AUNIP: variants seen among roughly 807,000 people sequenced by gnomAD.
AUNIP encodes the protein aurora kinase A- and ninein-interacting protein.
Under a neutral mutation model 12.2 loss-of-function variants are expected in AUNIP, and 16 were observed. The observed-to-expected ratio is 1.31, with a 90% CI of 0.88 to 1.99. AUNIP has a LOEUF of 1.99. Among genes scored for constraint, AUNIP ranks in the 30% most tolerant of loss-of-function variants. The pLI is 0.00. For synonymous variants in AUNIP, 142 were observed against 154.8 expected (o/e 0.92, Z 0.61); for missense variants, 411 against 419.1 (o/e 0.98, Z 0.17).
intron 1 of AUNIP, 50 bp downstream of exon 1, chr1:25,859,230 C>T (rs1221702951): frequency 1.3e-6 from 2 of 1,544,700 alleles, no homozygotes; most frequent in East Asian, 2.5e-5. Flanking sequence ...CGTCTTACGC[C>T]TCCAGGCCCT....
chr1:25,848,718 C>T (rs1293179062), intron 1 of AUNIP, among the ~76,000 whole-genome samples: 2 of 152,158 alleles, frequency 1.3e-5, no homozygotes, highest in African/African-American at 2.4e-5. Context: ...CTAAAGTCAG[C>T]AGGAAGGTGA....
At chr1:25,854,982 G>T (rs1238609036) in intron 1 of AUNIP, among the ~76,000 whole-genome samples, 1 of 145,076 alleles carries the variant, frequency 6.9e-6, no homozygotes, top group African/African-American at 2.6e-5. Context: ...TTTGAGATGG[G>T]GTCTCACTCT....
At chr1:25,853,319 C>T (rs1019409464) in intron 1 of AUNIP, among the ~76,000 whole-genome samples, 1 of 152,088 alleles carries the variant, frequency 6.6e-6, no homozygotes. Context: ...AACATTCGGC[C>T]GGCGTGGTGG....
downstream of AUNIP, chr1:25,832,147 C>T: frequency 6.3e-7 from 1 of 1,575,996 alleles, no homozygotes; most frequent in Non-Finnish European, 8.6e-7. Flanking sequence ...TGCTGACAAG[C>T]TAGAGCTTGG....
At chr1:25,851,884 A>T (rs1289122095) in intron 1 of AUNIP, among the ~76,000 whole-genome samples, 1 of 151,918 alleles carries the variant, frequency 6.6e-6, no homozygotes, top group African/African-American at 2.4e-5. Context: ...ACAGGCACAC[A>T]CCAACATAAC....
chr1:25,835,509 G>T lies in AUNIP; in HGVS notation c.558C>A (p.Asp186Glu), dbSNP rs775734343. The change falls in exon 3 of 3, where the codon GAC becomes GAA. Residue 186 changes from aspartate (D) to glutamate (E), a missense_variant. Physicochemically the swap from Asp to Glu is conservative, Grantham distance 45. Coordinates refer to ENST00000374298, the MANE Select transcript of AUNIP (RefSeq NM_024037.3). ...CAGAATCCCCTTTTTCTTCCTTTCG[G>T]TCTAGCAAACAAGAACTTTCCAAGT... The part of the protein sequence containing the change: ...TEDLESSCLL[D>E]RKEEKGDSAR... 3.5e-5 allele frequency: 56 copies of T among 1,614,012 alleles called. No individual in the cohort carries two copies. Among genetic ancestry groups the T allele is most frequent in the Non-Finnish European group, 4.7e-5 (56 of 1,180,050 alleles).
rs115847072 is a variant in AUNIP at position 25,836,453 on chromosome 1, T to G, written c.221-607A>C. 5.6e-3 allele frequency among the ~76,000 whole-genome samples: 848 copies of G among 152,304 alleles called. 8 individuals carry two copies. Among genetic ancestry groups the G allele is most frequent in the African/African-American group, 0.019 (777 of 41,566 alleles). ...TCAGTAGGTAGAATAGTGAAACAAC[T>G]ACTAGTGTCCAGCCTGTTAATTTTA... On this transcript the variant is annotated intron_variant, in intron 2 of 2. Transcript: ENST00000374298.
intron 2 of AUNIP, 55 bp from the exon 3 acceptor site, chr1:25,835,901 G>A: frequency 6.4e-7 from 1 of 1,573,890 alleles, no homozygotes; most frequent in Non-Finnish European, 8.6e-7. Context: ...CCCTAAGCAG[G>A]ATTCAGTTGG....
In AUNIP at chr1:25,848,456, C is replaced by G. The variant is rs1450938993; in HGVS notation, c.78+10824G>C. 3.7e-5 allele frequency among the ~76,000 whole-genome samples: 4 copies of G among 107,606 alleles called. No homozygotes were observed. In the East Asian group the frequency reaches 8.7e-4, roughly 23 times the overall value. The allele number at this position is 107,606 out of a possible 152,430, so 70.6% of individuals were successfully genotyped here. A position where few individuals can be genotyped will look rare whatever the true frequency, so the allele number is the denominator to read the frequency against. ...GAGATCGTGCCATTGCACTCCAGCC[C>G]GGGCAAAAATTTTTGAAACTCCGTC... On this transcript the variant is annotated intron_variant, in intron 1 of 2. Transcript: ENST00000374298.
downstream of AUNIP, chr1:25,831,967 G>C: frequency 6.2e-7 from 1 of 1,614,222 alleles, no homozygotes; most frequent in Non-Finnish European, 8.5e-7. Context: ...GCTTATCTCT[G>C]AGGTCCTAAG....
chr1:25,845,208 C>A (rs2048373254), intron 1 of AUNIP, among the ~76,000 whole-genome samples: 1 of 152,190 alleles, frequency 6.6e-6, no homozygotes, highest in African/African-American at 2.4e-5. Flanking sequence ...CCTCCATTCA[C>A]CACCTATTTC....
downstream of AUNIP, among the ~76,000 whole-genome samples, chr1:25,833,260 A>G (rs375637178): frequency 7.2e-5 from 11 of 152,092 alleles, no homozygotes; most frequent in South Asian, 1.7e-3. Context: ...GACTACAGGT[A>G]TGCACCACCA....
chr1:25,833,237 C>G (rs2048269515), downstream of AUNIP, among the ~76,000 whole-genome samples: 1 of 152,028 alleles, frequency 6.6e-6, no homozygotes, highest in Non-Finnish European at 1.5e-5. Context: ...ACCTTAGCCT[C>G]CTGAGTAGCT....
chr1:25,836,337 C>G (rs897341775), intron 2 of AUNIP, among the ~76,000 whole-genome samples: 1 of 152,182 alleles, frequency 6.6e-6, no homozygotes, highest in African/African-American at 2.4e-5. Flanking sequence ...TCTGAGAAAC[C>G]TTCTGGTGAC....
intron 2 of AUNIP, among the ~76,000 whole-genome samples, chr1:25,836,900 C>T (rs2048307151): frequency 1.3e-5 from 2 of 152,152 alleles, no homozygotes; most frequent in Admixed American, 1.3e-4. Flanking sequence ...TAAGGCCCAG[C>T]CTGCTCTGAG....
In AUNIP at chr1:25,834,521, G is replaced by A; in HGVS notation, c.*472C>T. ...AGTCCCTGCTATTCGGGAGGCTGAG[G>A]CAGGAGAATCGCTTGAATCCGGGAG... On this transcript the variant is annotated 3_prime_UTR_variant, in exon 3 of 3. Transcript: ENST00000374298. 1 of 771,428 alleles carries A rather than the reference G, an allele frequency of 1.3e-6. No individual in the cohort carries two copies. Among genetic ancestry groups the A allele is most frequent in the Non-Finnish European group, 1.6e-6 (1 of 634,782 alleles). 47.8% of individuals were successfully genotyped at this position (771,428 alleles called of 1,614,324 possible).
chr1:25,850,475 G>C (rs1417164883), intron 1 of AUNIP, among the ~76,000 whole-genome samples: 1 of 152,146 alleles, frequency 6.6e-6, no homozygotes, highest in Non-Finnish European at 1.5e-5. Context: ...AAGGACAACT[G>C]AGATGTTGAT....
At chr1:25,854,009 G>A (rs893007429) in intron 1 of AUNIP, among the ~76,000 whole-genome samples, 96 of 152,104 alleles carry the variant, frequency 6.3e-4, no homozygotes, top group African/African-American at 2.2e-3. Context: ...TCAGGAGTTT[G>A]AGACCAGTCT....
At chr1:25,833,454 T>G (rs1032036264), downstream of AUNIP, among the ~76,000 whole-genome samples, 6 of 152,072 alleles carry the variant, frequency 3.9e-5, no homozygotes, top group Non-Finnish European at 8.8e-5. Flanking sequence ...GGAAAATGAC[T>G]GGAGAGATGA....
Sources: gnomAD v4.1 joint callset for allele counts (sites outside exome capture counted in the v4.1 genomes callset) on GRCh38, gnomAD v4.1.1 for gene constraint, MANE v1.5 for transcripts, NCBI Gene and HGNC (gene_info 2026-07-23, HGNC 2026-07-21) for gene names.